Variants in ZDHHC14 observed in about 807,000 individuals in gnomAD.
ZDHHC14 encodes zDHHC palmitoyltransferase 14.
A neutral mutation model predicts 47.7 loss-of-function variants in ZDHHC14; 16 were observed. The ratio of observed to expected loss-of-function variants is 0.34; its 90% confidence interval spans 0.23 to 0.51. The LOEUF is 0.51. ZDHHC14 is among the 20% of genes least tolerant of loss of function. The pLI, the probability that ZDHHC14 is intolerant of heterozygous loss-of-function variation, is 0.97. For missense variants in ZDHHC14, 515 were observed against 662.5 expected, an observed-to-expected ratio of 0.78 and a Z score of 2.44; for synonymous variants, 293 against 278.9, an observed-to-expected ratio of 1.05 and a Z score of -0.50.
chr6:157,630,811 C>G (rs1488427050), intron 4 of ZDHHC14: 1 of 135,526 alleles, frequency 7.4e-6, no homozygotes, highest in Non-Finnish European at 1.6e-5. Flanking sequence ...ACACACATAC[C>G]CTTGGACACC....
chr6:157,452,915 G>A (rs536480943), intron 1 of ZDHHC14, among the ~76,000 whole-genome samples: 22 of 152,098 alleles, frequency 1.4e-4, no homozygotes, highest in African/African-American at 4.8e-4. Flanking sequence ...GTGTTGGTCA[G>A]GCTGGTCTCA....
chr6:157,602,714 G>A (rs969547103), intron 3 of ZDHHC14, among the ~76,000 whole-genome samples: 17 of 152,190 alleles, frequency 1.1e-4, no homozygotes, highest in African/African-American at 3.4e-4. Context: ...CAGGAAGGCC[G>A]GGCTCCTGAG....
intron 5 of ZDHHC14, among the ~76,000 whole-genome samples, chr6:157,641,422 A>G (rs1777242316): frequency 6.6e-6 from 1 of 152,174 alleles, no homozygotes; most frequent in African/African-American, 2.4e-5. Context: ...GAAAAGAAAA[A>G]TATTACACTG....
chr6:157,539,412 T>TAATA (rs1302846780), intron 1 of ZDHHC14, among the ~76,000 whole-genome samples: 19 of 151,824 alleles, frequency 1.3e-4, no homozygotes, highest in African/African-American at 3.4e-4. Context: ...TCCAGAAAGA[T>TAATA]AATAAATAAA....
intron 1 of ZDHHC14, among the ~76,000 whole-genome samples, chr6:157,406,777 C>T (rs888661379): frequency 6.6e-6 from 1 of 152,172 alleles, no homozygotes; most frequent in Non-Finnish European, 1.5e-5. Context: ...GTGAACAAAC[C>T]GCGCAGCTGA....
At chr6:157,399,666 C>T (rs1777591096) in intron 1 of ZDHHC14, among the ~76,000 whole-genome samples, 1 of 152,240 alleles carries the variant, frequency 6.6e-6, no homozygotes. Flanking sequence ...CCCTGCCGGA[C>T]CAGGGTTGAC....
intron 1 of ZDHHC14, among the ~76,000 whole-genome samples, chr6:157,383,167 C>A (rs1395900777): frequency 1.3e-5 from 2 of 152,244 alleles, no homozygotes; most frequent in African/African-American, 4.8e-5. Context: ...TTAGATAAAG[C>A]AGTTAAACCA....
rs556157103 is a variant in ZDHHC14, at chr6:157,452,766, G to T, written c.245+70500G>T. 7.7e-5 allele frequency among the ~76,000 whole-genome samples: 10 copies of T among 129,524 alleles called. No individual in the cohort carries two copies. In the East Asian group the frequency reaches 1.8e-3, roughly 23 times the overall value. 85.0% of individuals were successfully genotyped at this position (129,524 alleles called of 152,430 possible). A position where few individuals can be genotyped will look rare whatever the true frequency, so the allele number is the denominator to read the frequency against. ...CACCCAGGCTGGAGTGCAGTGGTGC[G>T]ATCTCGGCTCACTGCAAGCTCCGCC... On this transcript the variant is annotated intron_variant, in intron 1 of 8. Transcript: ENST00000359775.
At chr6:157,646,136 C>T (rs552619756) in intron 6 of ZDHHC14, 4 of 269,176 alleles carry the variant, frequency 1.5e-5, no homozygotes, top group South Asian at 7.1e-5. Context: ...GAAATGGTTT[C>T]GTAAGCTTCT....
At chr6:157,550,950 A>G (rs1176637095) in intron 2 of ZDHHC14, among the ~76,000 whole-genome samples, 6 of 152,172 alleles carry the variant, frequency 3.9e-5, no homozygotes, top group African/African-American at 1.4e-4. Context: ...GGGAAGGATG[A>G]TGGCATAACC....
intron 1 of ZDHHC14, among the ~76,000 whole-genome samples, chr6:157,400,957 T>A (rs945311297): frequency 1.3e-5 from 2 of 152,252 alleles, no homozygotes; most frequent in East Asian, 3.8e-4. Context: ...CCTCTGGTAC[T>A]AGTGTGTGGC....
chr6:157,477,587 AT>A (rs953248402), intron 1 of ZDHHC14, among the ~76,000 whole-genome samples: 1 of 152,120 alleles, frequency 6.6e-6, no homozygotes, highest in East Asian at 1.9e-4. Flanking sequence ...AATTTATTTT[AT>A]TTTTTTGATA....
chr6:157,515,520 GGC>G (rs1780659508), intron 1 of ZDHHC14, among the ~76,000 whole-genome samples: 1 of 142,390 alleles, frequency 7.0e-6, no homozygotes, highest in Non-Finnish European at 1.5e-5. Context: ...GGAATGCAGT[GGC>G]GCGCTATCTC....
intron 1 of ZDHHC14, among the ~76,000 whole-genome samples, chr6:157,522,616 C>G (rs1270697486): frequency 6.6e-6 from 1 of 151,618 alleles, no homozygotes; most frequent in Non-Finnish European, 1.5e-5. Context: ...ACTACAAGAC[C>G]CATTTTTATA....
At chr6:157,641,501 T>C (rs1253030097) in intron 5 of ZDHHC14, among the ~76,000 whole-genome samples, 1 of 152,232 alleles carries the variant, frequency 6.6e-6, no homozygotes, top group Non-Finnish European at 1.5e-5. Flanking sequence ...TTTTTTCTTA[T>C]CACAATGTAT....
intron 1 of ZDHHC14, among the ~76,000 whole-genome samples, chr6:157,484,008 T>C (rs1189954020): frequency 1.3e-5 from 2 of 152,054 alleles, no homozygotes; most frequent in African/African-American, 2.4e-5. Flanking sequence ...TGGATGGAGC[T>C]GGAGGCCATT....
At chr6:157,521,235 A>C (rs575359764) in intron 1 of ZDHHC14, among the ~76,000 whole-genome samples, 2 of 152,258 alleles carry the variant, frequency 1.3e-5, no homozygotes, top group East Asian at 3.9e-4. Context: ...TTTGGTTTGG[A>C]GTCAGGCATT....
intron 1 of ZDHHC14, among the ~76,000 whole-genome samples, chr6:157,462,468 T>G (rs140814204): frequency 7.3e-4 from 111 of 152,346 alleles, no homozygotes; most frequent in African/African-American, 2.6e-3. Context: ...TTTGTTGTCA[T>G]GGGGCTGTCT....
intron 1 of ZDHHC14, among the ~76,000 whole-genome samples, chr6:157,473,597 C>G (rs923854810): frequency 6.6e-6 from 1 of 152,080 alleles, no homozygotes; most frequent in African/African-American, 2.4e-5. Flanking sequence ...TTTTGGAATA[C>G]TTACATTATT....
Sources: allele counts gnomAD v4.1 joint callset (sites outside exome capture counted in the v4.1 genomes callset), GRCh38; gene constraint gnomAD v4.1.1; transcripts MANE v1.5; gene names NCBI Gene and HGNC (gene_info 2026-07-23, HGNC 2026-07-21).